Variants in KHDRBS2 observed in about 807,000 individuals in gnomAD.
KHDRBS2 encodes KH RNA binding domain containing, signal transduction associated 2.
Under a neutral mutation model 44.3 loss-of-function variants are expected in KHDRBS2, and 26 were observed. The observed-to-expected ratio is 0.59, with a 90% CI of 0.43 to 0.81. The LOEUF is 0.81. KHDRBS2 is among the 40% of genes least tolerant of loss of function. The probability of loss-of-function intolerance (pLI) is 0.00; values close to 1 mark genes in which losing one functional copy is unlikely to be tolerated. For synonymous variants in KHDRBS2, 194 were observed against 151.1 expected (o/e 1.28, Z -2.08); for missense variants, 476 against 433.1 (o/e 1.10, Z -0.88).
At chr6:62,094,217 T>C (rs1800095058) in intron 2 of KHDRBS2, among the ~76,000 whole-genome samples, 1 of 151,888 alleles carries the variant, frequency 6.6e-6, no homozygotes, top group Non-Finnish European at 1.5e-5. Flanking sequence ...TTGGATTTTG[T>C]AATAGTATCC....
chr6:62,237,902 G>A (rs570870480), intron 1 of KHDRBS2, among the ~76,000 whole-genome samples: 22 of 152,180 alleles, frequency 1.4e-4, no homozygotes, highest in Admixed American at 6.5e-4. Flanking sequence ...AGCTGGGCGT[G>A]GTGGTGCATG....
At chr6:62,198,752 C>T (rs1450196017) in intron 1 of KHDRBS2, among the ~76,000 whole-genome samples, 1 of 152,134 alleles carries the variant, frequency 6.6e-6, no homozygotes, top group African/African-American at 2.4e-5. Context: ...CAGCAACATC[C>T]TGATACCAAA....
At chr6:61,564,737 G>C in the KHDRBS2 span, among the ~76,000 whole-genome samples, 1 of 152,094 alleles carries the variant, frequency 6.6e-6, no homozygotes, top group East Asian at 1.9e-4. Flanking sequence ...GTATTGAATA[G>C]TGGCTCTCAG....
intron 2 of KHDRBS2, among the ~76,000 whole-genome samples, chr6:62,102,250 T>C (rs1357103427): frequency 6.6e-6 from 1 of 152,172 alleles, no homozygotes; most frequent in African/African-American, 2.4e-5. Flanking sequence ...ACGCATTACA[T>C]ATTGTATTAG....
chr6:61,715,040 A>G (rs2127552500), intron 7 of KHDRBS2, among the ~76,000 whole-genome samples: 2 of 152,060 alleles, frequency 1.3e-5, no homozygotes, highest in Middle Eastern at 6.8e-3. Context: ...AAATCTATGC[A>G]TAGAACAAAT....
chr6:61,955,363 C>T (rs1222312443), intron 4 of KHDRBS2, among the ~76,000 whole-genome samples: 2 of 119,376 alleles, frequency 1.7e-5, no homozygotes, highest in East Asian at 2.9e-4. Flanking sequence ...TATATGTATA[C>T]ATATACGTGT....
chr6:62,169,162 C>T (rs1610004), intron 2 of KHDRBS2, among the ~76,000 whole-genome samples: 104,947 of 134,722 alleles, frequency 0.78, 41,249 homozygotes, highest in African/African-American at 0.9. Flanking sequence ...TATATACGTA[C>T]ACATATATGT....
chr6:61,773,332 TC>T (rs1781322957), intron 6 of KHDRBS2, among the ~76,000 whole-genome samples: 1 of 152,084 alleles, frequency 6.6e-6, no homozygotes, highest in African/African-American at 2.4e-5. Flanking sequence ...TGATCGCCAT[TC>T]TAACTGGTGT....
chr6:61,603,264 T>C, the KHDRBS2 span, among the ~76,000 whole-genome samples: 5 of 152,192 alleles, frequency 3.3e-5, no homozygotes, highest in Admixed American at 3.3e-4. Flanking sequence ...CAAATTGTCT[T>C]GCCTATCCAC....
intron 1 of KHDRBS2, among the ~76,000 whole-genome samples, chr6:62,215,834 G>T (rs1829890293): frequency 6.6e-6 from 1 of 151,444 alleles, no homozygotes; most frequent in Non-Finnish European, 1.5e-5. Flanking sequence ...TTGCAAACAG[G>T]TATTACCTTC....
At chr6:62,027,418 G>C (rs1783567603) in intron 3 of KHDRBS2, among the ~76,000 whole-genome samples, 1 of 152,024 alleles carries the variant, frequency 6.6e-6, no homozygotes, top group Non-Finnish European at 1.5e-5. Flanking sequence ...AGAAACCTCA[G>C]AATTTTTTAA....
At chr6:61,632,332 G>A in the KHDRBS2 span, among the ~76,000 whole-genome samples, 16 of 152,174 alleles carry the variant, frequency 1.1e-4, no homozygotes, top group Non-Finnish European at 2.2e-4. Flanking sequence ...ATAAATATCA[G>A]TGCAGTAAAG....
chr6:62,048,803 T>C (rs1376765413), intron 2 of KHDRBS2, among the ~76,000 whole-genome samples: 3 of 151,904 alleles, frequency 2.0e-5, no homozygotes. Flanking sequence ...ACCGAGGTAA[T>C]AATTTGTGCC....
intron 6 of KHDRBS2, among the ~76,000 whole-genome samples, chr6:61,762,737 CG>C (rs1159153033): frequency 2.0e-5 from 3 of 152,124 alleles, no homozygotes; most frequent in Non-Finnish European, 4.4e-5. Flanking sequence ...CAGTCAGTAA[CG>C]GCATGGTTTC....
At chr6:62,039,082 T>C (rs891581314) in intron 3 of KHDRBS2, among the ~76,000 whole-genome samples, 1 of 151,966 alleles carries the variant, frequency 6.6e-6, no homozygotes, top group African/African-American at 2.4e-5. Flanking sequence ...GAATCCAGTA[T>C]AAAAAAATTA....
intron 6 of KHDRBS2, among the ~76,000 whole-genome samples, chr6:61,813,609 C>A (rs1788459671): frequency 6.6e-6 from 1 of 152,142 alleles, no homozygotes; most frequent in Non-Finnish European, 1.5e-5. Flanking sequence ...GATAGTCATG[C>A]ATGTCATTAC....
the KHDRBS2 span, among the ~76,000 whole-genome samples, chr6:61,624,784 T>C: frequency 6.6e-6 from 1 of 152,120 alleles, no homozygotes; most frequent in Middle Eastern, 3.4e-3. Flanking sequence ...GAGGTCTAAA[T>C]AGGAAGGCTA....
chr6:61,792,489 T>A (rs1056292219), intron 6 of KHDRBS2, among the ~76,000 whole-genome samples: 3 of 151,884 alleles, frequency 2.0e-5, no homozygotes, highest in African/African-American at 7.2e-5. Context: ...TACCAATTAG[T>A]TTTTCTTTAC....
chr6:62,157,373 G>T (rs1816689305), intron 2 of KHDRBS2, among the ~76,000 whole-genome samples: 1 of 152,006 alleles, frequency 6.6e-6, no homozygotes. Context: ...TTTAATGCAT[G>T]TTTGTGAAGG....
Sources: gnomAD v4.1 joint callset for allele counts (sites outside exome capture counted in the v4.1 genomes callset) on GRCh38, gnomAD v4.1.1 for gene constraint, MANE v1.5 for transcripts, NCBI Gene and HGNC (gene_info 2026-07-23, HGNC 2026-07-21) for gene names.